Variants in DYNC2I1 observed in about 807,000 individuals in gnomAD.
DYNC2I1 encodes dynein 2 intermediate chain 1.
A neutral mutation model predicts 133.4 loss-of-function variants in DYNC2I1; 89 were observed. The ratio of observed to expected loss-of-function variants is 0.67; its 90% CI spans 0.56 to 0.80. The LOEUF (loss-of-function observed/expected upper bound fraction) is 0.80, where lower values mean the gene tolerates loss of function less well. Among genes scored for constraint, DYNC2I1 ranks in the 30% least tolerant of loss-of-function variants. The probability of loss-of-function intolerance (pLI) is 0.00; values close to 1 mark genes in which losing one functional copy is unlikely to be tolerated. For synonymous variants in DYNC2I1, 504 were observed against 484.3 expected (o/e 1.04, Z -0.54); for missense variants, 1,291 against 1,314.5 (o/e 0.98, Z 0.28).
chr7:158,842,026 T>TTTTG, the DYNC2I1 span, among the ~76,000 whole-genome samples: 4 of 151,936 alleles, frequency 2.6e-5, no homozygotes, highest in South Asian at 2.1e-4. Context: ...TGGCAAGGTA[T>TTTTG]TTTGTTTGTT....
rs754720217 is a variant in DYNC2I1, at chr7:158,879,700, G to A, written c.590G>A (p.Ser197Asn). The A allele has an allele frequency of 1.1e-5, 18 of 1,587,274 alleles. No individual in the cohort carries two copies. The highest frequency in any genetic ancestry group is 1.5e-5 in the Non-Finnish European group (17 of 1,172,084). Residue 197 changes from serine to asparagine, a missense_variant, in exon 5 of 25, where the codon AGC becomes AAC. Transcript: ENST00000407559. ...YRERKLQYGDSKDNPLKYWLY... is the reference protein window; with the variant it reads ...YRERKLQYGDNKDNPLKYWLY... ...GTTTTACAGCTGCAGTACGGAGACAGCAAGGACAACCCTCTCAAGTACTGG... is the reference window on the plus strand; with the variant it reads ...GTTTTACAGCTGCAGTACGGAGACAACAAGGACAACCCTCTCAAGTACTGG...
At chr7:158,924,639 T>A (rs895467421) in intron 17 of DYNC2I1, among the ~76,000 whole-genome samples, 2 of 152,238 alleles carry the variant, frequency 1.3e-5, no homozygotes, top group African/African-American at 4.8e-5. Flanking sequence ...AAATAAATAA[T>A]CTTTGCCTTT....
Position 158,887,186 on chromosome 7 carries a change from A to G in DYNC2I1, c.990+111A>G, listed in dbSNP as rs527277906. 5.6e-6 allele frequency: 6 copies of G among 1,077,284 alleles called. No homozygotes were observed. The African/African-American group carries it at 9.5e-5, about 17-fold the overall frequency. 66.7% of individuals were successfully genotyped at this position (1,077,284 alleles called of 1,614,324 possible). The stretch of plus-strand genomic sequence containing the variant: ...AGAGGCCGAGACAGGGCTCATTTGC[A>G]GATGGTTTATTCGAGTGGTGATCCC... On this transcript the variant is annotated intron_variant, in intron 7 of 24. Coordinates refer to ENST00000407559, the MANE Select transcript of DYNC2I1 (RefSeq NM_018051.5).
intron 23 of DYNC2I1, among the ~76,000 whole-genome samples, chr7:158,939,989 T>C (rs1331111523): frequency 1.3e-5 from 2 of 152,066 alleles, no homozygotes; most frequent in East Asian, 3.9e-4. Context: ...CTCCCAAGTA[T>C]AGAAAGCAAA....
rs898948928 is a variant in DYNC2I1, at chr7:158,942,210, T to C, written c.3002+62T>C. The C allele has an allele frequency of 1.9e-5, 25 of 1,330,602 alleles. No homozygotes were observed. The African/African-American group carries it at 3.1e-4, about 16-fold the overall frequency. The allele number at this position is 1,330,602 out of a possible 1,614,324, so 82.4% of individuals were successfully genotyped here. ...GGGGGGCTTCGGCCACGGGTGCCAC[T>C]TACGGTCTTTCTTCATTAATTTTTG... is the stretch of plus-strand genomic sequence containing the variant. On this transcript the variant is annotated intron_variant, in intron 24 of 24. Transcript: ENST00000407559.
Position 158,953,850 on chromosome 7 carries a change from T to C in DYNC2I1, c.*57-2733T>C, listed in dbSNP as rs78155492. On this transcript the variant is annotated intron_variant and NMD_transcript_variant, in intron 4 of 4. Transcript: ENST00000454771. ...AAGGTGGTGAATGGCATATATGTTA[T>C]ATATATGCCTAAAAATTAGCTTGGG... 5.8e-3 allele frequency among the ~76,000 whole-genome samples: 887 copies of C among 152,004 alleles called. 58 individuals carry two copies. The East Asian group carries it at 0.13, about 22-fold the overall frequency.
At chr7:158,913,642 A>G (rs1847711886) in intron 13 of DYNC2I1, among the ~76,000 whole-genome samples, 1 of 152,160 alleles carries the variant, frequency 6.6e-6, no homozygotes, top group Non-Finnish European at 1.5e-5. Flanking sequence ...TTCTCAGGTA[A>G]GCCTCACCTT....
intron 8 of DYNC2I1, among the ~76,000 whole-genome samples, chr7:158,897,010 GTC>G (rs1414845408): frequency 6.9e-6 from 1 of 145,736 alleles, no homozygotes; most frequent in African/African-American, 2.6e-5. Flanking sequence ...TTGAGACAGA[GTC>G]TCTCTCTGTC....
upstream of DYNC2I1, among the ~76,000 whole-genome samples, chr7:158,855,852 T>C (rs1220725337): frequency 6.6e-6 from 1 of 152,166 alleles, no homozygotes; most frequent in Non-Finnish European, 1.5e-5. Flanking sequence ...GATTCCTGCC[T>C]ACCTTACTGC....
rs1845513874 is a variant in DYNC2I1 at position 158,894,079 on chromosome 7, ATAT to A, written c.1059+2750_1059+2752del. On this transcript the variant is annotated intron_variant, in intron 8 of 24. Transcript: ENST00000407559. ...CATGTCACACCACATATCATACCACATATTATACCGTATAGCAAAGTGCATATC... is the reference window on the plus strand; with the variant it reads ...CATGTCACACCACATATCATACCACATATACCGTATAGCAAAGTGCATATC... Among the ~76,000 whole-genome samples, 4 of 152,292 alleles carry A rather than the reference ATAT, an allele frequency of 2.6e-5. No individual in the cohort carries two copies. The South Asian group carries it at 6.2e-4, about 24-fold the overall frequency.
intron 8 of DYNC2I1, among the ~76,000 whole-genome samples, chr7:158,899,121 A>G (rs550904100): frequency 1.3e-5 from 2 of 152,344 alleles, no homozygotes; most frequent in Non-Finnish European, 1.5e-5. Context: ...CATATAACCT[A>G]TGCATGTTCT....
chr7:158,922,219 C>T (rs755542287), intron 15 of DYNC2I1, among the ~76,000 whole-genome samples, 158 bp from the exon 16 acceptor site: 8 of 152,276 alleles, frequency 5.3e-5, no homozygotes, highest in South Asian at 2.1e-4. Flanking sequence ...AGGCTGTGGC[C>T]GTTCATCAAA....
intron 5 of DYNC2I1, 35 bp downstream of exon 5, chr7:158,880,024 G>T (rs771485913): frequency 2.6e-6 from 4 of 1,543,002 alleles, no homozygotes; most frequent in Non-Finnish European, 3.5e-6. Context: ...CTTAGCAGCC[G>T]CCCCGAGGCC....
chr7:158,858,957 C>G (rs1841608235), intron 1 of DYNC2I1, among the ~76,000 whole-genome samples: 1 of 54,596 alleles, frequency 1.8e-5, no homozygotes, highest in Admixed American at 1.8e-4. Flanking sequence ...CCTCCCCTCC[C>G]CTTTCCTCCC....
intron 6 of DYNC2I1, among the ~76,000 whole-genome samples, chr7:158,885,882 A>G (rs562636782): frequency 6.6e-6 from 1 of 152,234 alleles, no homozygotes; most frequent in South Asian, 2.1e-4. Flanking sequence ...CGCATGGTAT[A>G]TTGATATGAA....
At chr7:158,894,195 TATC>T (rs1381503379) in intron 8 of DYNC2I1, among the ~76,000 whole-genome samples, 3 of 151,970 alleles carry the variant, frequency 2.0e-5, no homozygotes, top group African/African-American at 7.3e-5. Flanking sequence ...TCATACTACA[TATC>T]ATACCGTATA....
intron 14 of DYNC2I1, among the ~76,000 whole-genome samples, chr7:158,915,229 A>G (rs1468898031): frequency 1.3e-5 from 2 of 151,624 alleles, no homozygotes; most frequent in African/African-American, 4.9e-5. Flanking sequence ...TGACTGTGAA[A>G]CATCGACATG....
downstream of DYNC2I1, among the ~76,000 whole-genome samples, chr7:158,947,287 C>A (rs996792811): frequency 6.6e-6 from 1 of 152,168 alleles, no homozygotes; most frequent in African/African-American, 2.4e-5. Context: ...CACGGCCTCT[C>A]GAGTCCACAC....
At chr7:158,842,690 TG>T in the DYNC2I1 span, among the ~76,000 whole-genome samples, 1 of 152,396 alleles carries the variant, frequency 6.6e-6, no homozygotes. Flanking sequence ...CATAGTGACG[TG>T]TCTGACACCC....
Sources: allele counts gnomAD v4.1 joint callset (sites outside exome capture counted in the v4.1 genomes callset), GRCh38; gene constraint gnomAD v4.1.1; transcripts MANE v1.5; gene names NCBI Gene and HGNC (gene_info 2026-07-23, HGNC 2026-07-21).